SYT15B: variants seen among roughly 807,000 people sequenced by gnomAD.
SYT15B encodes the protein synaptotagmin 15B.
the SYT15B span, among the ~76,000 whole-genome samples, chr10:47,745,221 TC>T: frequency 3.4e-5 from 5 of 148,026 alleles, no homozygotes; most frequent in African/African-American, 1.2e-4. Flanking sequence ...TACTTCGAGG[TC>T]CCCTTCTACT....
At chr10:47,755,555 C>CAT in the SYT15B span, among the ~76,000 whole-genome samples, 2 of 83,002 alleles carry the variant, frequency 2.4e-5, no homozygotes, top group Non-Finnish European at 4.5e-5. Flanking sequence ...GTGCCCGGCC[C>CAT]TTTTTTTTTT....
the SYT15B span, among the ~76,000 whole-genome samples, chr10:47,746,933 G>T: frequency 2.5e-5 from 3 of 122,414 alleles, no homozygotes; most frequent in Non-Finnish European, 3.4e-5. Flanking sequence ...TCTGAGAAAA[G>T]AATTCTGAGA....
chr10:47,751,039 A>C, the SYT15B span: 1 of 148,738 alleles, frequency 6.7e-6, no homozygotes, highest in Non-Finnish European at 1.5e-5. Context: ...AAATCTTTTT[A>C]ACAGCTTGAG....
chr10:47,749,978 G>T, the SYT15B span, among the ~76,000 whole-genome samples: 1 of 151,984 alleles, frequency 6.6e-6, no homozygotes, highest in East Asian at 1.9e-4. Context: ...ACATAATAAA[G>T]GTTCACTCTA....
chr10:47,750,916 ACAGT>A, the SYT15B span: 2 of 151,280 alleles, frequency 1.3e-5, no homozygotes, highest in Non-Finnish European at 2.9e-5. Context: ...TTGACATTCA[ACAGT>A]CAATTAGTAT....
At chr10:47,745,436 CAGAA>C in the SYT15B span, among the ~76,000 whole-genome samples, 14 of 149,634 alleles carry the variant, frequency 9.4e-5, no homozygotes, top group African/African-American at 3.2e-4. Context: ...GACTAGAAAG[CAGAA>C]AGATGGTTTA....
chr10:47,748,602 C>T, the SYT15B span, among the ~76,000 whole-genome samples: 1 of 152,206 alleles, frequency 6.6e-6, no homozygotes, highest in African/African-American at 2.4e-5. Flanking sequence ...CACATTTCTT[C>T]TTTTCTTTTT....
At chr10:47,755,597 G>A in the SYT15B span, among the ~76,000 whole-genome samples, 4 of 108,568 alleles carry the variant, frequency 3.7e-5, no homozygotes, top group Admixed American at 1.4e-4. Flanking sequence ...CAGCAGCCTC[G>A]CCTCCTGGGT....
chr10:47,761,036 C>T, the SYT15B span: 22 of 627,510 alleles, frequency 3.5e-5, 1 homozygote, highest in African/African-American at 7.5e-5. Context: ...GAAAAGCCAT[C>T]GGGAGCCAGG....
At chr10:47,755,085 T>C in the SYT15B span, among the ~76,000 whole-genome samples, 1 of 149,142 alleles carries the variant, frequency 6.7e-6, no homozygotes, top group Admixed American at 6.7e-5. Context: ...GCCTCCCGAG[T>C]AGTTGGGCCT....
the SYT15B span, among the ~76,000 whole-genome samples, chr10:47,746,894 T>G: frequency 3.5e-5 from 4 of 114,648 alleles, no homozygotes; most frequent in African/African-American, 1.3e-4. Flanking sequence ...ATTCCCTGTA[T>G]AAAATCACTC....
the SYT15B span, among the ~76,000 whole-genome samples, chr10:47,756,692 A>T: frequency 6.6e-6 from 1 of 152,312 alleles, no homozygotes; most frequent in Non-Finnish European, 1.5e-5. Flanking sequence ...CCACCACCTC[A>T]CTGGGATGGG....
the SYT15B span, chr10:47,753,360 C>G: frequency 1.1e-5 from 1 of 88,240 alleles, no homozygotes; most frequent in African/African-American, 4.8e-5. Context: ...TACATCAATA[C>G]TGCAACACAG....
At chr10:47,749,266 C>T in the SYT15B span, among the ~76,000 whole-genome samples, 2 of 124,310 alleles carry the variant, frequency 1.6e-5, no homozygotes, top group Non-Finnish European at 3.4e-5. Flanking sequence ...ACAAAAAAAC[C>T]TGAGAAAATT....
chr10:47,747,948 G>A, the SYT15B span, among the ~76,000 whole-genome samples: 1 of 151,714 alleles, frequency 6.6e-6, no homozygotes, highest in Admixed American at 6.6e-5. Context: ...TCTTTGAACT[G>A]TAATATAGGA....
At chr10:47,748,402 G>A in the SYT15B span, among the ~76,000 whole-genome samples, 3 of 151,146 alleles carry the variant, frequency 2.0e-5, no homozygotes, top group South Asian at 2.1e-4. Flanking sequence ...TAGTGGAGAC[G>A]GGGTTTCACC....
the SYT15B span, among the ~76,000 whole-genome samples, chr10:47,748,204 C>A: frequency 4.0e-5 from 6 of 148,786 alleles, no homozygotes; most frequent in East Asian, 1.2e-3. Flanking sequence ...GCACACTATA[C>A]TTTTTTTTTA....
chr10:47,762,986 G>C, the SYT15B span: 1 of 1,260,972 alleles, frequency 7.9e-7, no homozygotes, highest in Non-Finnish European at 1.0e-6. Context: ...GCAGGGTGCG[G>C]TGAGAGTACC....
chr10:47,761,102 GCA>G, the SYT15B span, among the ~76,000 whole-genome samples: 32,347 of 144,678 alleles, frequency 0.22, 2,987 homozygotes, highest in East Asian at 0.46. Context: ...ACACACACAC[GCA>G]CACACACACA....
Sources: allele counts gnomAD v4.1 joint callset (sites outside exome capture counted in the v4.1 genomes callset), GRCh38; gene constraint gnomAD v4.1.1; transcripts MANE v1.5; gene names NCBI Gene and HGNC (gene_info 2026-07-23, HGNC 2026-07-21).